Variants in RIN2 observed in about 807,000 individuals in gnomAD.
RIN2 encodes the protein RAB5 interacting protein 2.
In RIN2, 36 loss-of-function variants were observed where a neutral mutation model predicts 78.0. The ratio of observed to expected loss-of-function variants is 0.46; its 90% CI spans 0.35 to 0.61. The LOEUF is 0.61. Ranked by LOEUF, RIN2 falls within the 20% of genes least tolerant of loss-of-function variation. The pLI, the probability that RIN2 is intolerant of heterozygous loss-of-function variation, is 0.00. For synonymous variants in RIN2, 466 were observed against 466.8 expected (o/e 1.00, Z 0.02); for missense variants, 1,087 against 1,159.7 (o/e 0.94, Z 0.91).
chr20:19,846,104 A>G (rs1355116828), intron 2 of RIN2, among the ~76,000 whole-genome samples: 1 of 152,122 alleles, frequency 6.6e-6, no homozygotes, highest in East Asian at 1.9e-4. Context: ...TTTTGGTACC[A>G]TTACTGTGCT....
At chr20:19,917,017 C>G in intron 3 of RIN2, among the ~76,000 whole-genome samples, 1 of 152,022 alleles carries the variant, frequency 6.6e-6, no homozygotes, top group East Asian at 1.9e-4. Context: ...TGAAAACCAC[C>G]TGACACATAG....
chr20:19,949,446 A>G (rs2041226862), intron 4 of RIN2, among the ~76,000 whole-genome samples: 1 of 152,352 alleles, frequency 6.6e-6, no homozygotes, highest in South Asian at 2.1e-4. Context: ...CCACAGCCTA[A>G]TGGATGTGCA....
chr20:19,954,552 A>G (rs2041454240), intron 4 of RIN2, among the ~76,000 whole-genome samples: 1 of 152,134 alleles, frequency 6.6e-6, no homozygotes, highest in Admixed American at 6.5e-5. Flanking sequence ...CTTGAGCAAG[A>G]TCCTGACCTG....
intron 2 of RIN2, among the ~76,000 whole-genome samples, chr20:19,825,482 C>T (rs2036062603): frequency 6.6e-6 from 1 of 152,198 alleles, no homozygotes; most frequent in South Asian, 2.1e-4. Flanking sequence ...CTCTCTTAAA[C>T]TAAACTTTTC....
At chr20:19,953,533 C>T (rs1413168492) in intron 4 of RIN2, among the ~76,000 whole-genome samples, 5 of 152,142 alleles carry the variant, frequency 3.3e-5, no homozygotes, top group Admixed American at 3.3e-4. Context: ...TCCGCCTCCC[C>T]AAGTTCAAGC....
At position 19,788,439 on chromosome 20, in the gene RIN2, A is replaced by AAAAAAAAAACAAAAAAAAAC. The variant is rs59971778; in HGVS notation, c.-162-11174_-162-11173insCAAAAAAAAACAAAAAAAAA. Among the ~76,000 whole-genome samples the AAAAAAAAAACAAAAAAAAAC allele has an allele frequency of 1.4e-3, 187 of 133,028 alleles. 1 individual carries two copies. Among genetic ancestry groups the AAAAAAAAAACAAAAAAAAAC allele is most frequent in the African/African-American group, 4.5e-3 (139 of 30,596 alleles). 87.3% of individuals were successfully genotyped at this position (133,028 alleles called of 152,430 possible). A position where few individuals can be genotyped will look rare whatever the true frequency, so the allele number is the denominator to read the frequency against. Reference sequence around the variant, plus strand: ...GCGAAATCCTGTCTCTGCCAAAAAAAAAAAAAAAAACAACTAGCTAGGCAT... The same window carrying AAAAAAAAAACAAAAAAAAAC: ...GCGAAATCCTGTCTCTGCCAAAAAAAAAAAAAAAACAAAAAAAAACAAAAAAAAAACAACTAGCTAGGCAT... On this transcript the variant is annotated intron_variant, in intron 1 of 12. Transcript: ENST00000255006.
At chr20:19,900,227 T>G (rs2038918921) in intron 3 of RIN2, among the ~76,000 whole-genome samples, 1 of 152,224 alleles carries the variant, frequency 6.6e-6, no homozygotes, top group African/African-American at 2.4e-5. Context: ...CTCATGCCTG[T>G]AATCCCAGCA....
chr20:19,804,480 G>A (rs958233644), intron 2 of RIN2, among the ~76,000 whole-genome samples: 10 of 152,114 alleles, frequency 6.6e-5, no homozygotes, highest in Non-Finnish European at 1.5e-4. Flanking sequence ...CTTTAGTTCT[G>A]TTTATATGAT....
intron 9 of RIN2, among the ~76,000 whole-genome samples, chr20:19,988,709 C>T (rs142052117): frequency 9.6e-4 from 146 of 152,320 alleles, no homozygotes; most frequent in East Asian, 7.1e-3. Flanking sequence ...GGAAGAATAA[C>T]GCCTCCCACA....
chr20:19,960,262 A>AAG (rs2041695389), intron 5 of RIN2, among the ~76,000 whole-genome samples: 1 of 152,248 alleles, frequency 6.6e-6, no homozygotes, highest in African/African-American at 2.4e-5. Context: ...ATATCCTCAT[A>AAG]AGCCAAGTTA....
intron 1 of RIN2, among the ~76,000 whole-genome samples, chr20:19,793,682 A>G (rs1159646663): frequency 6.6e-6 from 1 of 152,260 alleles, no homozygotes; most frequent in Non-Finnish European, 1.5e-5. Flanking sequence ...GAAATCTTGC[A>G]CAAAGAAACT....
intron 3 of RIN2, among the ~76,000 whole-genome samples, chr20:19,904,997 T>C (rs1459265077): frequency 1.3e-5 from 2 of 152,114 alleles, no homozygotes; most frequent in African/African-American, 2.4e-5. Context: ...TCCCCATCCT[T>C]CAAGTTCAAG....
intron 12 of RIN2, among the ~76,000 whole-genome samples, chr20:19,999,215 C>T (rs186810331): frequency 3.3e-5 from 5 of 152,098 alleles, no homozygotes; most frequent in East Asian, 3.9e-4. Flanking sequence ...GGGCAAGTTA[C>T]GTAGCCTCTC....
intron 2 of RIN2, among the ~76,000 whole-genome samples, chr20:19,810,593 C>G (rs944443256): frequency 1.3e-5 from 2 of 150,844 alleles, no homozygotes; most frequent in East Asian, 1.9e-4. Flanking sequence ...CTTTAAAGCA[C>G]TTTTGATTGC....
chr20:19,858,450 C>T (rs1297330458), intron 2 of RIN2, among the ~76,000 whole-genome samples: 1 of 152,154 alleles, frequency 6.6e-6, no homozygotes. Flanking sequence ...TGCTGTCCAG[C>T]CCAAATATCT....
chr20:19,850,709 A>G (rs144711606), intron 2 of RIN2, among the ~76,000 whole-genome samples: 1,657 of 152,312 alleles, frequency 0.011, 23 homozygotes, highest in African/African-American at 0.038. Flanking sequence ...TCATGCCTGT[A>G]ATCCCAGCAC....
chr20:19,933,743 C>T (rs2040524277), intron 3 of RIN2, among the ~76,000 whole-genome samples: 1 of 152,200 alleles, frequency 6.6e-6, no homozygotes, highest in African/African-American at 2.4e-5. Context: ...CAACATTTCT[C>T]TTTAGTGAGA....
chr20:19,884,088 G>A (rs1383567178), intron 2 of RIN2, among the ~76,000 whole-genome samples: 4 of 151,568 alleles, frequency 2.6e-5, no homozygotes, highest in Admixed American at 2.6e-4. Context: ...AGGCATACGG[G>A]CATGAGCCAC....
rs2040016620 is a variant in RIN2, at chr20:19,923,474, AAAATAAAATAAAATAAAT to A, written c.58-11623_58-11606del. ...TAAAATAAAATAAAATAAAATAAAT[AAAATAAAATAAAATAAAT>A]ATTGGCTGAGAGGTGTGGTTCACAC... On this transcript the variant is annotated intron_variant, in intron 3 of 12. Transcript: ENST00000255006. 3.7e-3 allele frequency among the ~76,000 whole-genome samples: 405 copies of A among 108,472 alleles called. 1 individual carries two copies. Among genetic ancestry groups the A allele is most frequent in the African/African-American group, 0.012 (368 of 31,070 alleles). The allele number at this position is 108,472 out of a possible 152,430, so 71.2% of individuals were successfully genotyped here. A position where few individuals can be genotyped will look rare whatever the true frequency, so the allele number is the denominator to read the frequency against.
Sources: gnomAD v4.1 joint callset for allele counts (sites outside exome capture counted in the v4.1 genomes callset) on GRCh38, gnomAD v4.1.1 for gene constraint, MANE v1.5 for transcripts, NCBI Gene and HGNC (gene_info 2026-07-23, HGNC 2026-07-21) for gene names.